CCDC3: variants seen among roughly 807,000 people sequenced by gnomAD.
CCDC3 encodes coiled-coil domain-containing protein 3.
CCDC3 carries 24 observed loss-of-function variants against 21.4 expected under a neutral mutation model. The observed-to-expected ratio is 1.12, with a 90% CI of 0.81 to 1.58. The LOEUF is 1.58. Among genes scored for constraint, CCDC3 ranks in the 40% most tolerant of loss-of-function variants. The pLI is 0.00. For missense variants in CCDC3, 425 were observed against 360.9 expected (o/e 1.18, Z -1.44); for synonymous variants, 186 against 166.0 (o/e 1.12, Z -0.93).
At chr10:12,958,356 G>A (rs1835126235) in intron 2 of CCDC3, among the ~76,000 whole-genome samples, 1 of 152,174 alleles carries the variant, frequency 6.6e-6, no homozygotes, top group Non-Finnish European at 1.5e-5. Flanking sequence ...AGCCAAGCCA[G>A]CAGCTGCAGG....
chr10:12,935,093 T>C (rs947976126), intron 2 of CCDC3, among the ~76,000 whole-genome samples: 4 of 151,964 alleles, frequency 2.6e-5, no homozygotes, highest in African/African-American at 7.3e-5. Flanking sequence ...GGTCTTGCTA[T>C]GTTGCCCTTG....
intron 3 of CCDC3, among the ~76,000 whole-genome samples, chr10:13,089,670 A>T (rs986646774): frequency 2.7e-5 from 4 of 150,908 alleles, no homozygotes; most frequent in South Asian, 4.2e-4. Flanking sequence ...CCATTTTTTT[A>T]AATTTAAATT....
chr10:12,942,045 A>T (rs1192341146), intron 2 of CCDC3, among the ~76,000 whole-genome samples: 1 of 152,196 alleles, frequency 6.6e-6, no homozygotes, highest in South Asian at 2.1e-4. Flanking sequence ...ATAGTAATTA[A>T]GCCAGAAGTC....
chr10:12,942,769 T>C (rs182854247), intron 2 of CCDC3, among the ~76,000 whole-genome samples: 140 of 152,250 alleles, frequency 9.2e-4, no homozygotes, highest in African/African-American at 3.1e-3. Flanking sequence ...TAAAACCCCA[T>C]GCATTTCACC....
Position 13,061,386 on chromosome 10 carries a change from C to T in CCDC3, c.-269-11445G>A, listed in dbSNP as rs138805268. Among the ~76,000 whole-genome samples the T allele has an allele frequency of 4.1e-3, 622 of 152,324 alleles. 2 individuals are homozygous for T. The highest frequency in any genetic ancestry group is 6.9e-3 in the Non-Finnish European group (468 of 68,026). The stretch of plus-strand genomic sequence containing the variant: ...ATCAGAGATGTTGTTTATTACATGA[C>T]GCAGCCTCATCTCAAAGGTGATGGC... On this transcript the variant is annotated intron_variant, in intron 4 of 6. Transcript: ENST00000378839.
chr10:13,071,807 T>C (rs893831808), intron 4 of CCDC3, among the ~76,000 whole-genome samples: 1 of 152,216 alleles, frequency 6.6e-6, no homozygotes, highest in African/African-American at 2.4e-5. Context: ...GTATCTCTTT[T>C]GAATGCCTCC....
chr10:13,070,915 C>G (rs183401517), intron 4 of CCDC3, among the ~76,000 whole-genome samples: 1 of 152,280 alleles, frequency 6.6e-6, no homozygotes, highest in African/African-American at 2.4e-5. Flanking sequence ...TTGTTTTTAA[C>G]TTTTTGCCTA....
chr10:13,048,487 T>C (rs756788587), intron 5 of CCDC3, among the ~76,000 whole-genome samples: 4 of 152,162 alleles, frequency 2.6e-5, no homozygotes, highest in Non-Finnish European at 5.9e-5. Context: ...CCACTGCACC[T>C]GGCCAGGGTC....
intron 5 of CCDC3, among the ~76,000 whole-genome samples, chr10:13,022,314 A>G (rs770653727): frequency 8.5e-5 from 13 of 152,104 alleles, no homozygotes; most frequent in Non-Finnish European, 1.8e-4. Context: ...CGATCTGAGA[A>G]TCCAGATTTT....
intron 2 of CCDC3, among the ~76,000 whole-genome samples, chr10:12,916,578 C>G (rs908473717): frequency 1.3e-5 from 2 of 150,706 alleles, no homozygotes; most frequent in African/African-American, 2.4e-5. Context: ...TGAGATCACG[C>G]CACTGCACTC....
chr10:12,974,902 A>T (rs1835393351), intron 2 of CCDC3, among the ~76,000 whole-genome samples: 1 of 152,204 alleles, frequency 6.6e-6, no homozygotes, highest in South Asian at 2.1e-4. Context: ...TTGAGAACCC[A>T]CTATGCATTA....
chr10:12,958,822 C>T lies in CCDC3; in HGVS notation c.549+39516G>A, dbSNP rs1385748686. Among the ~76,000 whole-genome samples, 5 of 152,284 alleles carry T rather than the reference C, an allele frequency of 3.3e-5. No homozygotes were observed. The East Asian group carries it at 7.7e-4, about 24-fold the overall frequency. On this transcript the variant is annotated intron_variant, in intron 2 of 2. Coordinates refer to ENST00000378825, the MANE Select transcript of CCDC3 (RefSeq NM_031455.4). ...TCCAGCCTGCCAACCCCCCTGGGAA[C>T]AGCACGCTTCTTTCCCTATGGTTCC...
At chr10:13,079,535 G>T (rs1009458996) in intron 3 of CCDC3, among the ~76,000 whole-genome samples, 1 of 152,134 alleles carries the variant, frequency 6.6e-6, no homozygotes, top group African/African-American at 2.4e-5. Context: ...AACAGCAGGA[G>T]CGGTAAAGCA....
At chr10:13,025,792 T>G (rs892437685) in intron 5 of CCDC3, among the ~76,000 whole-genome samples, 4 of 152,120 alleles carry the variant, frequency 2.6e-5, no homozygotes, top group African/African-American at 9.7e-5. Context: ...AGAAAAGGAG[T>G]AAGACACAAA....
intron 2 of CCDC3, among the ~76,000 whole-genome samples, chr10:12,980,084 T>A (rs899999070): frequency 6.6e-6 from 1 of 152,184 alleles, no homozygotes; most frequent in African/African-American, 2.4e-5. Context: ...GACTAGGCAA[T>A]CTCCCGGGTC....
At chr10:13,079,714 C>T (rs1837011044) in intron 3 of CCDC3, among the ~76,000 whole-genome samples, 1 of 152,116 alleles carries the variant, frequency 6.6e-6, no homozygotes, top group African/African-American at 2.4e-5. Context: ...AAAGGATATT[C>T]AAAACTTCCC....
chr10:12,993,106 C>G (rs1347610397), intron 2 of CCDC3, among the ~76,000 whole-genome samples: 1 of 152,176 alleles, frequency 6.6e-6, no homozygotes, highest in Admixed American at 6.5e-5. Flanking sequence ...TTTCAGGACC[C>G]CCTGGACGGG....
At chr10:13,026,376 C>A (rs1321878042) in intron 5 of CCDC3, among the ~76,000 whole-genome samples, 2 of 152,094 alleles carry the variant, frequency 1.3e-5, no homozygotes, top group Non-Finnish European at 2.9e-5. Context: ...GAGGATACTA[C>A]AGAAATTAAT....
At chr10:12,938,901 C>T (rs1429808602) in intron 2 of CCDC3, among the ~76,000 whole-genome samples, 1 of 152,196 alleles carries the variant, frequency 6.6e-6, no homozygotes, top group Non-Finnish European at 1.5e-5. Flanking sequence ...ACCTCACCTG[C>T]GTTCTGGTCC....
Sources: gnomAD v4.1 joint callset for allele counts (sites outside exome capture counted in the v4.1 genomes callset) on GRCh38, gnomAD v4.1.1 for gene constraint, MANE v1.5 for transcripts, NCBI Gene and HGNC (gene_info 2026-07-23, HGNC 2026-07-21) for gene names.